NRG1: variants seen among roughly 807,000 people sequenced by gnomAD.
NRG1 encodes the protein pro-neuregulin-1, membrane-bound isoform.
A neutral mutation model predicts 63.8 loss-of-function variants in NRG1; 18 were observed. The ratio of observed to expected loss-of-function variants is 0.28; its 90% CI spans 0.19 to 0.42. The LOEUF is 0.42. Among genes scored for constraint, NRG1 ranks in the 10% least tolerant of loss-of-function variants. The probability of loss-of-function intolerance (pLI) is 1.00; values close to 1 mark genes in which losing one functional copy is unlikely to be tolerated. For missense variants in NRG1, 762 were observed against 814.7 expected, an observed-to-expected ratio of 0.94 and a Z score of 0.79; for synonymous variants, 302 against 301.3, an observed-to-expected ratio of 1.00 and a Z score of -0.02.
chr8:32,074,320 C>G (rs1444073687), intron 1 of NRG1, among the ~76,000 whole-genome samples: 1 of 152,216 alleles, frequency 6.6e-6, no homozygotes, highest in East Asian at 1.9e-4. Flanking sequence ...CCTTATTCTT[C>G]AAACCTGATG....
At chr8:32,411,166 G>A (rs1205646284) in intron 1 of NRG1, among the ~76,000 whole-genome samples, 4 of 152,058 alleles carry the variant, frequency 2.6e-5, no homozygotes, top group Non-Finnish European at 4.4e-5. Context: ...GAGCCACCAC[G>A]CCCAGCCAGC....
intron 1 of NRG1, among the ~76,000 whole-genome samples, chr8:32,401,870 A>G (rs945425180): frequency 4.6e-5 from 7 of 152,086 alleles, no homozygotes; most frequent in Non-Finnish European, 5.9e-5. Context: ...CTGCATATGT[A>G]CCCCTGAACC....
intron 1 of NRG1, among the ~76,000 whole-genome samples, chr8:32,443,602 C>A (rs1353670211): frequency 2.0e-5 from 3 of 152,112 alleles, no homozygotes; most frequent in African/African-American, 4.8e-5. Context: ...ACAAAGTTTT[C>A]CATTTTGTAC....
chr8:32,128,715 T>G (rs1392255533), intron 1 of NRG1, among the ~76,000 whole-genome samples: 1 of 151,934 alleles, frequency 6.6e-6, no homozygotes, highest in East Asian at 1.9e-4. Context: ...TCTGATCATA[T>G]CAACCTCTTT....
In NRG1 at chr8:32,577,049, A is replaced by C. The variant is rs564444476; in HGVS notation, c.101-18779A>C. Among the ~76,000 whole-genome samples, 3 of 152,142 alleles carry C rather than the reference A, an allele frequency of 2.0e-5. No individual in the cohort carries two copies. The East Asian group carries it at 5.8e-4, about 29-fold the overall frequency. On this transcript the variant is annotated intron_variant, in intron 1 of 11. Transcript: ENST00000356819. ...TATGAGTATTTGATGTTTAGCTCCT[A>C]CTTATAAGTGAGAGCATGGAGTATT... is the stretch of plus-strand genomic sequence containing the variant.
chr8:31,961,956 C>A (rs775697968), intron 1 of NRG1, among the ~76,000 whole-genome samples: 12 of 150,976 alleles, frequency 7.9e-5, no homozygotes, highest in Non-Finnish European at 1.8e-4. Context: ...TATATTTTAT[C>A]CATATCTGTT....
At chr8:32,303,098 C>G (rs1475374234) in intron 1 of NRG1, among the ~76,000 whole-genome samples, 1 of 142,192 alleles carries the variant, frequency 7.0e-6, no homozygotes, top group Non-Finnish European at 1.5e-5. Flanking sequence ...AGGAGAATCA[C>G]TTGAACCCGG....
At position 32,108,706 on chromosome 8, in the gene NRG1, C is replaced by T. The variant is rs144987049; in HGVS notation, c.37+469275C>T. Among the ~76,000 whole-genome samples the T allele has an allele frequency of 1.1e-3, 168 of 151,786 alleles. 3 individuals carry two copies. The East Asian group carries it at 0.031, about 28-fold the overall frequency. On this transcript the variant is annotated intron_variant, in intron 1 of 10. Transcript: ENST00000519301. ...CAAGAGAAGTGAGAGTGACGTAATGCGAACAGGACTCAACACACCATTGCT... is the reference window on the plus strand; with the variant it reads ...CAAGAGAAGTGAGAGTGACGTAATGTGAACAGGACTCAACACACCATTGCT...
At chr8:31,827,888 G>A (rs1824725342) in intron 1 of NRG1, among the ~76,000 whole-genome samples, 1 of 152,094 alleles carries the variant, frequency 6.6e-6, no homozygotes, top group African/African-American at 2.4e-5. Context: ...ATAAAGATCT[G>A]GCCTTATATT....
At chr8:31,846,457 C>G (rs1018703370) in intron 1 of NRG1, among the ~76,000 whole-genome samples, 1 of 152,148 alleles carries the variant, frequency 6.6e-6, no homozygotes, top group African/African-American at 2.4e-5. Flanking sequence ...TTGTTCTGGT[C>G]AAGGTTTATA....
chr8:32,525,988 C>A (rs966293594), intron 1 of NRG1, among the ~76,000 whole-genome samples: 1 of 152,188 alleles, frequency 6.6e-6, no homozygotes, highest in Non-Finnish European at 1.5e-5. Context: ...TACTTACCCT[C>A]ATTTTAGTGG....
intron 1 of NRG1, among the ~76,000 whole-genome samples, chr8:32,119,140 G>T (rs535343745): frequency 1.5e-4 from 23 of 151,948 alleles, no homozygotes; most frequent in Admixed American, 3.9e-4. Context: ...AACATAGAAG[G>T]TTCTATTATT....
intron 1 of NRG1, among the ~76,000 whole-genome samples, chr8:31,844,123 G>T (rs926879434): frequency 6.6e-6 from 1 of 152,182 alleles, no homozygotes; most frequent in East Asian, 1.9e-4. Flanking sequence ...TTGTTACAGA[G>T]TTGGAAATGG....
chr8:32,229,329 G>T (rs113572293), intron 1 of NRG1, among the ~76,000 whole-genome samples: 5 of 152,272 alleles, frequency 3.3e-5, no homozygotes, highest in African/African-American at 1.2e-4. Context: ...ATTTACCAGG[G>T]CAGCTTTAAA....
At chr8:32,269,144 T>G (rs1018379295) in intron 1 of NRG1, among the ~76,000 whole-genome samples, 2 of 152,086 alleles carry the variant, frequency 1.3e-5, no homozygotes, top group South Asian at 4.1e-4. Flanking sequence ...ATGCTCATTA[T>G]TAGAATAGTA....
chr8:31,713,398 G>T (rs931564886), intron 1 of NRG1, among the ~76,000 whole-genome samples: 3 of 152,132 alleles, frequency 2.0e-5, no homozygotes, highest in African/African-American at 7.2e-5. Context: ...TTACAGGTAT[G>T]AGCCACCACG....
At chr8:32,756,422 C>T (rs759181562) in exon 9 of NRG1, 1 of 1,612,556 alleles carries the variant, frequency 6.2e-7, no homozygotes, top group Non-Finnish European at 8.5e-7. Flanking sequence ...GAAAAAGCTG[C>T]ATGACCGTCT....
At chr8:32,648,838 C>A (rs1187939406) in intron 5 of NRG1, among the ~76,000 whole-genome samples, 1 of 152,186 alleles carries the variant, frequency 6.6e-6, no homozygotes, top group African/African-American at 2.4e-5. Flanking sequence ...TCAGCGACCC[C>A]AAGCTGCCTG....
intron 1 of NRG1, among the ~76,000 whole-genome samples, chr8:32,301,479 G>A (rs774890422): frequency 6.6e-6 from 1 of 152,164 alleles, no homozygotes; most frequent in South Asian, 2.1e-4. Flanking sequence ...AAATATAATT[G>A]CAATATTGAA....
Sources: allele counts gnomAD v4.1 joint callset (sites outside exome capture counted in the v4.1 genomes callset), GRCh38; gene constraint gnomAD v4.1.1; transcripts MANE v1.5; gene names NCBI Gene and HGNC (gene_info 2026-07-23, HGNC 2026-07-21).